The following ARHGAP15 variants were observed in gnomAD, a reference collection of about 807,000 sequenced individuals.
ARHGAP15 encodes Rho GTPase activating protein 15.
In ARHGAP15, 51 loss-of-function variants were observed where a neutral mutation model predicts 63.7. The ratio of observed to expected loss-of-function variants is 0.80; its 90% confidence interval spans 0.64 to 1.01. ARHGAP15 has a LOEUF of 1.01. Ranked by LOEUF, ARHGAP15 falls within the 50% of genes least tolerant of loss-of-function variation. The probability of loss-of-function intolerance (pLI) is 0.00; values close to 1 mark genes in which losing one functional copy is unlikely to be tolerated. For missense variants in ARHGAP15, 560 were observed against 564.6 expected (o/e 0.99, Z 0.08); for synonymous variants, 191 against 193.8 (o/e 0.99, Z 0.12).
At chr2:143,370,252 A>G (rs765635033) in intron 6 of ARHGAP15, among the ~76,000 whole-genome samples, 131 of 151,814 alleles carry the variant, frequency 8.6e-4, no homozygotes, top group Admixed American at 3.9e-4. Context: ...AATTTCATCA[A>G]TTACATACTT....
intron 12 of ARHGAP15, among the ~76,000 whole-genome samples, chr2:143,682,330 A>T (rs1017519497): frequency 6.6e-6 from 1 of 152,112 alleles, no homozygotes; most frequent in Admixed American, 6.6e-5. Flanking sequence ...ATTGCAGGTT[A>T]AAAAAAGATA....
At chr2:143,623,724 C>T (rs1020271463) in intron 11 of ARHGAP15, among the ~76,000 whole-genome samples, 1 of 152,242 alleles carries the variant, frequency 6.6e-6, no homozygotes, top group African/African-American at 2.4e-5. Flanking sequence ...GCATATGTCT[C>T]CTGTTGGCTC....
intron 12 of ARHGAP15, among the ~76,000 whole-genome samples, chr2:143,694,709 C>A (rs1290317678): frequency 6.6e-6 from 1 of 152,164 alleles, no homozygotes; most frequent in Non-Finnish European, 1.5e-5. Flanking sequence ...TAATTAATAA[C>A]TCTCTCTGCT....
chr2:143,656,009 C>G (rs1401356533), intron 12 of ARHGAP15: 1 of 152,200 alleles, frequency 6.6e-6, no homozygotes, highest in Non-Finnish European at 1.5e-5. Context: ...AGCACATTCT[C>G]ACTCTGAACT....
chr2:143,259,690 A>G (rs796405040), intron 6 of ARHGAP15, among the ~76,000 whole-genome samples: 7 of 152,276 alleles, frequency 4.6e-5, no homozygotes, highest in African/African-American at 1.7e-4. Context: ...CTGGCCCTAC[A>G]TGTCATTCAT....
rs535910161 is a variant in ARHGAP15, at chr2:143,318,509, CTTTT to C, written c.474+67932_474+67935del. Among the ~76,000 whole-genome samples the C allele has an allele frequency of 2.8e-3, 154 of 55,612 alleles. 1 individual carries two copies. Among genetic ancestry groups the C allele is most frequent in the South Asian group, 6.5e-3 (8 of 1,228 alleles). The allele number at this position is 55,612 out of a possible 152,430, so 36.5% of individuals were successfully genotyped here. On this transcript the variant is annotated intron_variant, in intron 6 of 13. Coordinates refer to ENST00000295095, the MANE Select transcript of ARHGAP15 (RefSeq NM_018460.4). ...ATCACTTCACTTCCAGATTAAGGGC[CTTTT>C]TTTTTTTTTTTTTTTTTTTTTTCGA...
intron 2 of ARHGAP15, among the ~76,000 whole-genome samples, chr2:143,188,960 G>C (rs1436388344): frequency 2.0e-5 from 3 of 150,408 alleles, no homozygotes; most frequent in Non-Finnish European, 4.4e-5. Context: ...TTTTTCCCTT[G>C]GTCAAATCCT....
chr2:143,378,091 G>T (rs963939651), intron 6 of ARHGAP15, among the ~76,000 whole-genome samples: 1 of 152,006 alleles, frequency 6.6e-6, no homozygotes, highest in Non-Finnish European at 1.5e-5. Context: ...TAACTAGAAT[G>T]GTGAAGGGTC....
chr2:143,471,212 A>G (rs964189574), intron 8 of ARHGAP15, among the ~76,000 whole-genome samples: 1 of 147,894 alleles, frequency 6.8e-6, no homozygotes. Flanking sequence ...ATGTGTGTAT[A>G]TATACACACA....
chr2:143,487,512 A>G lies in ARHGAP15; in HGVS notation c.826+17A>G, dbSNP rs773872507. The G allele has an allele frequency of 1.2e-5, 20 of 1,609,422 alleles. 1 individual carries two copies. In the South Asian group the frequency reaches 2.1e-4, roughly 17 times the overall value. On this transcript the variant is annotated intron_variant, in intron 9 of 13. Coordinates refer to ENST00000295095, the MANE Select transcript of ARHGAP15 (RefSeq NM_018460.4). The stretch of plus-strand genomic sequence containing the variant: ...TTATTAAAGGTACAGGTCATTTTAT[A>G]CTTGTACTATAACTGTGATAAATGA...
intron 12 of ARHGAP15, among the ~76,000 whole-genome samples, chr2:143,659,749 T>A (rs1681652918): frequency 6.6e-6 from 1 of 152,226 alleles, no homozygotes; most frequent in South Asian, 2.1e-4. Context: ...ACTTCTGGTT[T>A]GTTTCTAGTC....
At chr2:143,312,075 G>C (rs1023858505) in intron 6 of ARHGAP15, among the ~76,000 whole-genome samples, 2 of 152,240 alleles carry the variant, frequency 1.3e-5, no homozygotes. Context: ...AAATTTGGTG[G>C]AGGAAACAAA....
chr2:143,476,197 A>C (rs1691807179), intron 8 of ARHGAP15, among the ~76,000 whole-genome samples: 2 of 152,162 alleles, frequency 1.3e-5, no homozygotes, highest in African/African-American at 4.8e-5. Flanking sequence ...GGTACTTCTG[A>C]AACACTCCAA....
At chr2:143,510,018 TAAAAAAAAAAAAAA>T (rs35469918) in intron 9 of ARHGAP15, among the ~76,000 whole-genome samples, 18 of 48,826 alleles carry the variant, frequency 3.7e-4, no homozygotes, top group South Asian at 2.9e-3. Flanking sequence ...GACTCCCTCT[TAAAAAAAAAAAAAA>T]AAAAAAAAAA....
intron 6 of ARHGAP15, among the ~76,000 whole-genome samples, chr2:143,262,367 AG>A (rs1374499594): frequency 6.6e-6 from 1 of 152,030 alleles, no homozygotes; most frequent in African/African-American, 2.4e-5. Context: ...AAAATAAAAA[AG>A]CTCCACTCCT....
intron 6 of ARHGAP15, among the ~76,000 whole-genome samples, chr2:143,410,221 G>A: frequency 6.6e-6 from 1 of 152,046 alleles, no homozygotes; most frequent in South Asian, 2.1e-4. Context: ...TCCTTGTAAT[G>A]TGAACATCTG....
At chr2:143,469,629 G>A (rs935304636) in intron 8 of ARHGAP15, among the ~76,000 whole-genome samples, 21 of 152,274 alleles carry the variant, frequency 1.4e-4, no homozygotes, top group Admixed American at 9.8e-4. Flanking sequence ...CATTTGAAAC[G>A]TGGCTAGACT....
intron 8 of ARHGAP15, among the ~76,000 whole-genome samples, chr2:143,440,695 C>T (rs542694072): frequency 5.3e-4 from 80 of 152,184 alleles, no homozygotes; most frequent in South Asian, 1.0e-3. Flanking sequence ...CTATTAAGAA[C>T]GAATCAGATA....
At chr2:143,654,635 A>G (rs1000217174) in intron 12 of ARHGAP15, among the ~76,000 whole-genome samples, 7 of 152,186 alleles carry the variant, frequency 4.6e-5, no homozygotes, top group African/African-American at 7.2e-5. Flanking sequence ...CATTTATCCA[A>G]TTAATAAATT....
Sources: gnomAD v4.1 joint callset for allele counts (sites outside exome capture counted in the v4.1 genomes callset) on GRCh38, gnomAD v4.1.1 for gene constraint, MANE v1.5 for transcripts, NCBI Gene and HGNC (gene_info 2026-07-23, HGNC 2026-07-21) for gene names.